SARM1: variants seen among roughly 807,000 people sequenced by gnomAD.
SARM1 encodes the protein sterile alpha and TIR motif containing 1.
SARM1 carries 60 observed loss-of-function variants against 65.1 expected under a neutral mutation model. The ratio of observed to expected loss-of-function variants is 0.92; its 90% CI spans 0.75 to 1.14. SARM1 has a LOEUF of 1.14. SARM1 is among the 50% of genes most tolerant of loss of function. The pLI is 0.00. For synonymous variants in SARM1, 417 were observed against 465.4 expected (o/e 0.90, Z 1.34); for missense variants, 913 against 1,015.7 (o/e 0.90, Z 1.37).
Position 28,371,851 on chromosome 17 carries a change from C to A in SARM1, c.-182C>A, listed in dbSNP as rs1330886077. The A allele has an allele frequency of 4.3e-6, 2 of 466,208 alleles. No homozygotes were observed. Among genetic ancestry groups the A allele is most frequent in the Non-Finnish European group, 7.5e-6 (2 of 266,562 alleles). The allele number at this position is 466,208 out of a possible 1,614,324, so 28.9% of individuals were successfully genotyped here. A position where few individuals can be genotyped will look rare whatever the true frequency, so the allele number is the denominator to read the frequency against. On this transcript the variant is annotated 5_prime_UTR_variant, in exon 1 of 9. Transcript: ENST00000585482. ...GCATCACCTTTGCCAACCGCTCCCC[C>A]GATCCTGCCGACACTCCTCCCCCAA...
chr17:28,376,601 G>A (rs1258635905), intron 1 of SARM1, among the ~76,000 whole-genome samples: 1 of 151,782 alleles, frequency 6.6e-6, no homozygotes, highest in Non-Finnish European at 1.5e-5. Flanking sequence ...AAGTAAGGGT[G>A]TTGGATTAGA....
rs1254830770 is a variant in SARM1 at position 28,385,528 on chromosome 17, C to T, written c.1630+253C>T. 5 of 531,854 alleles carry T rather than the reference C, an allele frequency of 9.4e-6. No individual in the cohort carries two copies. The highest frequency in any genetic ancestry group is 1.7e-5 in the Non-Finnish European group (5 of 302,604). The allele number at this position is 531,854 out of a possible 1,614,324, so 32.9% of individuals were successfully genotyped here. A position where few individuals can be genotyped will look rare whatever the true frequency, so the allele number is the denominator to read the frequency against. On this transcript the variant is annotated intron_variant, in intron 5 of 8. Coordinates refer to ENST00000585482, the MANE Select transcript of SARM1 (RefSeq NM_015077.4). This position sits in a 1 kb window ranked among gnomAD's most constrained non-coding sequence, Gnocchi z 4.5. ...GGCAAGCGGCCCCGGCAGGAAGCTA[C>T]CCAGGTCTCCAGTGGGAGCACAGAG...
At chr17:28,375,879 C>G (rs1237045749) in intron 1 of SARM1, among the ~76,000 whole-genome samples, 3 of 152,150 alleles carry the variant, frequency 2.0e-5, no homozygotes, top group Admixed American at 2.0e-4. Flanking sequence ...TGGAGATAAA[C>G]CACTATAACA....
chr17:28,376,432 G>A lies in SARM1; in HGVS notation c.470+3930G>A, dbSNP rs994582038. Among the ~76,000 whole-genome samples, 3 of 142,548 alleles carry A rather than the reference G, an allele frequency of 2.1e-5. No homozygotes were observed. In the Admixed American group the frequency reaches 2.1e-4, roughly 10 times the overall value. 93.5% of individuals were successfully genotyped at this position (142,548 alleles called of 152,430 possible). ...AAAAAAAAAAAAAAAAAAGAGCCAG[G>A]TGTGGTTGTACATGTCTGTAATCCC... On this transcript the variant is annotated intron_variant, in intron 1 of 8. Transcript: ENST00000585482.
In SARM1 at chr17:28,384,676, G is replaced by A. The variant is rs782413025; in HGVS notation, c.1302+107G>A. The A allele has an allele frequency of 2.3e-6, 3 of 1,276,732 alleles. No individual in the cohort carries two copies. The highest frequency in any genetic ancestry group is 3.0e-5 in the African/African-American group (2 of 67,204). 79.1% of individuals were successfully genotyped at this position (1,276,732 alleles called of 1,614,324 possible). A position where few individuals can be genotyped will look rare whatever the true frequency, so the allele number is the denominator to read the frequency against. On this transcript the variant is annotated intron_variant, in intron 3 of 8. Transcript: ENST00000585482. This position sits in a 1 kb window ranked among gnomAD's most constrained non-coding sequence, Gnocchi z 4.4. ...ATCCCGCGGCGCCAGGGTCGCTTTT[G>A]GGGGCGGGGAGCCTGTACGCAGCCA...
Position 28,384,552 on chromosome 17 carries a change from T to A in SARM1, c.1285T>A (p.Tyr429Asn). Reference sequence around the variant, plus strand: ...GCTGCAGCAGATCGGTTTCTCCAAGTACTGCGAGAGCTTCCGGGTAGAGTC... The same window carrying A: ...GCTGCAGCAGATCGGTTTCTCCAAGAACTGCGAGAGCTTCCGGGTAGAGTC... ...TWLQQIGFSK[Y>N]CESFREQQVD... Residue 429 changes from tyrosine (Y) to asparagine (N), a missense_variant, in exon 3 of 9, where the codon TAC (tyrosine) becomes AAC (asparagine). Tyr to Asn is a moderately radical substitution (Grantham distance 143). This residue lies in a region of SARM1 where 862 missense variants were observed against 952.1 expected (regional missense o/e 0.91). Coordinates refer to ENST00000585482, the MANE Select transcript of SARM1 (RefSeq NM_015077.4). The surrounding 1 kb of genome is among the most constrained non-coding windows in gnomAD (Gnocchi z 4.4). The A allele has an allele frequency of 1.2e-6, 2 of 1,609,064 alleles. No homozygotes were observed. Among genetic ancestry groups the A allele is most frequent in the Non-Finnish European group, 1.7e-6 (2 of 1,178,088 alleles).
chr17:28,381,894 A>G lies in SARM1; in HGVS notation c.1089+73A>G, dbSNP rs894683969. The G allele has an allele frequency of 3.6e-6, 5 of 1,372,854 alleles. No individual in the cohort carries two copies. The South Asian group carries it at 7.1e-5, about 19-fold the overall frequency. The allele number at this position is 1,372,854 out of a possible 1,614,324, so 85.0% of individuals were successfully genotyped here. Reference sequence around the variant, plus strand: ...GGGAAGGTTTCCCAGAGGAAGTCACATTCAACCGGGTCTTGAAATACACAT... The same window carrying G: ...GGGAAGGTTTCCCAGAGGAAGTCACGTTCAACCGGGTCTTGAAATACACAT... On this transcript the variant is annotated intron_variant, in intron 2 of 8. Coordinates refer to ENST00000585482, the MANE Select transcript of SARM1 (RefSeq NM_015077.4).
At chr17:28,390,144 G>A (rs2068072961) in intron 7 of SARM1, among the ~76,000 whole-genome samples, 1 of 152,164 alleles carries the variant, frequency 6.6e-6, no homozygotes, top group Non-Finnish European at 1.5e-5. Context: ...GGTTCAGAAA[G>A]GCAGGACAGC....
rs76628279 is a variant in SARM1, at chr17:28,392,644, G to T, written c.1924-3261G>T. 5.3e-5 allele frequency among the ~76,000 whole-genome samples: 8 copies of T among 152,134 alleles called. 2 individuals carry two copies. The East Asian group carries it at 1.5e-3, about 29-fold the overall frequency. On this transcript the variant is annotated intron_variant, in intron 7 of 8. Transcript: ENST00000585482. ...CAGAGGACCGGCCCCTCGTGGGCTG[G>T]GCGTGTGTGTGGCTTAGGAGGAAAT...
At chr17:28,394,252 A>G (rs1361070988) in intron 7 of SARM1, among the ~76,000 whole-genome samples, 2 of 152,236 alleles carry the variant, frequency 1.3e-5, no homozygotes, top group Non-Finnish European at 2.9e-5. Flanking sequence ...AGAGAAGACA[A>G]GCGTGGATGA....
rs544008809 is a variant in SARM1 at position 28,381,477 on chromosome 17, C to G, written c.745C>G (p.Arg249Gly). 1.3e-6 allele frequency: 2 copies of G among 1,552,846 alleles called. No individual in the cohort carries two copies. The highest frequency in any genetic ancestry group is 1.9e-5 in the Admixed American group (1 of 51,306). Residue 249 changes from arginine (R) to glycine (G), a missense_variant, in exon 2 of 9, where the codon CGC becomes GGC. Arg to Gly is a moderately radical substitution (Grantham distance 125). Transcript: ENST00000585482. Reference sequence around the variant, plus strand: ...GGTGCAGCGACGCATGGTAGAGAAGCGCGCAGCCGAGTGGCTCTTCCCGCT... The same window carrying G: ...GGTGCAGCGACGCATGGTAGAGAAGGGCGCAGCCGAGTGGCTCTTCCCGCT... Reference protein sequence around the residue: ...QAVQRRMVEKRAAEWLFPLAF... With the variant: ...QAVQRRMVEKGAAEWLFPLAF...
intron 5 of SARM1, chr17:28,386,627 C>T (rs895394685): frequency 6.6e-6 from 1 of 152,310 alleles, no homozygotes; most frequent in Non-Finnish European, 1.5e-5. Context: ...ACTAAGCACC[C>T]ACAAGACACA....
intron 7 of SARM1, 66 bp downstream of exon 7, chr17:28,388,605 T>C: frequency 2.0e-6 from 3 of 1,506,176 alleles, no homozygotes; most frequent in South Asian, 1.2e-5. Context: ...AGGGTCGTCT[T>C]CTATTCCTTC....
In SARM1 at chr17:28,381,402, C is replaced by G; in HGVS notation, c.670C>G (p.Arg224Gly). 6.5e-7 allele frequency: 1 copy of G among 1,549,682 alleles called. No individual in the cohort carries two copies. The highest frequency in any genetic ancestry group is 8.7e-7 in the Non-Finnish European group (1 of 1,147,608). ...CCGCCGCACGGACCCCGCGCTGCTG[C>G]GCCACTGCGCGCTGGCGCTGGGCAA... is the stretch of plus-strand genomic sequence containing the variant. The part of the protein sequence containing the change: ...WCRRTDPALL[R>G]HCALALGNCA... Residue 224 changes from arginine to glycine, a missense_variant, in exon 2 of 9, where the codon CGC becomes GGC. Physicochemically the swap from Arg to Gly is moderately radical, Grantham distance 125. Around this residue, in one of 3 missense-constraint regions of SARM1, gnomAD observed 862 missense variants for 952.1 expected, o/e 0.91. Transcript: ENST00000585482.
rs372946020 is a variant in SARM1, at chr17:28,396,200, C to G, written c.2089C>G (p.Arg697Gly). The stretch of plus-strand genomic sequence containing the variant: ...GGAGGCCACCATTGAGAAGATCATC[C>G]GCTTCCTGCAGGGCCGCTCCTCCCG... ...YQEATIEKII[R>G]FLQGRSSRDS... The change falls in exon 9 of 9, where the codon CGC becomes GGC. Residue 697 changes from arginine (R) to glycine (G), a missense_variant. Physicochemically the swap from Arg to Gly is moderately radical, Grantham distance 125 (BLOSUM62 -2). Transcript: ENST00000585482. 5.6e-5 allele frequency: 91 copies of G among 1,613,872 alleles called. No individual in the cohort carries two copies. The highest frequency in any genetic ancestry group is 6.9e-5 in the Non-Finnish European group (82 of 1,179,880).
chr17:28,382,554 AC>A (rs1339508550), intron 2 of SARM1, among the ~76,000 whole-genome samples: 5 of 152,018 alleles, frequency 3.3e-5, no homozygotes, highest in Non-Finnish European at 5.9e-5. Context: ...TCCACCAGTG[AC>A]CTTTGCCCAC....
Position 28,381,785 on chromosome 17 carries a change from C to G in SARM1, c.1053C>G (p.Ala351=). 4.8e-6 allele frequency: 7 copies of G among 1,458,990 alleles called. No homozygotes were observed. Among genetic ancestry groups the G allele is most frequent in the Non-Finnish European group, 6.3e-6 (7 of 1,104,164 alleles). The allele number at this position is 1,458,990 out of a possible 1,614,324, so 90.4% of individuals were successfully genotyped here. ...AQCIGAFYLC[A]EAAIKSLQGK... ...GCATCGGGGCTTTCTACCTCTGCGC[C>G]GAGGCTGCCATCAAGAGCCTGCAAG... The change falls in exon 2 of 9, where the codon GCC becomes GCG. Residue 351 remains alanine (A), a synonymous_variant. Coordinates refer to ENST00000585482, the MANE Select transcript of SARM1 (RefSeq NM_015077.4).
chr17:28,373,950 G>A (rs2067972708), intron 1 of SARM1: 1 of 152,226 alleles, frequency 6.6e-6, no homozygotes, highest in South Asian at 2.1e-4. Flanking sequence ...GTGCGTGGTT[G>A]CTATCACAAT....
intron 1 of SARM1, among the ~76,000 whole-genome samples, chr17:28,379,899 A>G (rs546685286): frequency 1.3e-5 from 2 of 152,292 alleles, no homozygotes; most frequent in African/African-American, 4.8e-5. Context: ...GAGTTAGAGC[A>G]TCTCTTTATC....
Sources: gnomAD v4.1 joint callset for allele counts (sites outside exome capture counted in the v4.1 genomes callset) on GRCh38, gnomAD v4.1.1 for gene constraint, gnomAD v4.1.1 regional missense constraint, Gnocchi (gnomAD v3.1) non-coding constraint, MANE v1.5 for transcripts, NCBI Gene and HGNC (gene_info 2026-07-23, HGNC 2026-07-21) for gene names.